SLCO5A1: variants seen among roughly 807,000 people sequenced by gnomAD.
SLCO5A1 encodes the protein solute carrier organic anion transporter family member 5A1.
SLCO5A1 carries 39 observed loss-of-function variants against 65.1 expected under a neutral mutation model. That is an observed-to-expected ratio of 0.60 (90% CI 0.46 to 0.78). The LOEUF is 0.78. Ranked by LOEUF, SLCO5A1 falls within the 30% of genes least tolerant of loss-of-function variation. The pLI is 0.00. For missense variants in SLCO5A1, 1,029 were observed against 1,069.4 expected, an observed-to-expected ratio of 0.96 and a Z score of 0.53; for synonymous variants, 438 against 415.7, an observed-to-expected ratio of 1.05 and a Z score of -0.65.
At position 69,832,558 on chromosome 8, in the gene SLCO5A1, G is replaced by C. The variant is rs771397102; in HGVS notation, c.116C>G (p.Pro39Arg). Reference protein sequence around the residue: ...EPETLRSKSLPVLSSASCRPS... With the variant: ...EPETLRSKSLRVLSSASCRPS... ...CCGGCAGGAGGCGCTGCTGAGGACC[G>C]GTAAACTCTTAGACCTGAGGGTCTC... The change falls in exon 2 of 10, where the codon CCG becomes CGG. Residue 39 changes from proline (P) to arginine (R), a missense_variant. By Grantham distance (103) the Pro-to-Arg change is moderately radical. Transcript: ENST00000260126. This position sits in a 1 kb window ranked among gnomAD's most constrained non-coding sequence, Gnocchi z 4.5. 5.6e-6 allele frequency: 9 copies of C among 1,611,454 alleles called. No homozygotes were observed. The African/African-American group carries it at 1.1e-4, about 19-fold the overall frequency.
At chr8:69,701,666 G>A (rs578130206) in intron 6 of SLCO5A1, among the ~76,000 whole-genome samples, 6 of 152,170 alleles carry the variant, frequency 3.9e-5, no homozygotes, top group Admixed American at 6.5e-5. Flanking sequence ...GAGTTGTCCC[G>A]CCTTTCTGGA....
At chr8:69,697,661 A>T (rs1814554722) in intron 6 of SLCO5A1, among the ~76,000 whole-genome samples, 1 of 152,014 alleles carries the variant, frequency 6.6e-6, no homozygotes. Context: ...CTGAGGGTAA[A>T]TCATTCCTTA....
intron 6 of SLCO5A1, among the ~76,000 whole-genome samples, chr8:69,698,934 T>G (rs1814609079): frequency 1.3e-5 from 2 of 152,178 alleles, no homozygotes; most frequent in Admixed American, 6.5e-5. Context: ...TCCCAGGATG[T>G]AAGTTATGTC....
chr8:69,762,482 G>A (rs929861811), intron 2 of SLCO5A1, among the ~76,000 whole-genome samples: 7 of 152,000 alleles, frequency 4.6e-5, no homozygotes, highest in African/African-American at 7.2e-5. Flanking sequence ...CACAGCACCC[G>A]GCCCTGTTTT....
intron 2 of SLCO5A1, chr8:69,794,136 A>G: frequency 4.3e-6 from 1 of 234,330 alleles, no homozygotes; most frequent in Non-Finnish European, 8.5e-6. Context: ...AAAGAAACAG[A>G]ACAGGTGGCA....
At chr8:69,754,971 C>G (rs1386535530) in intron 4 of SLCO5A1, among the ~76,000 whole-genome samples, 2 of 152,092 alleles carry the variant, frequency 1.3e-5, no homozygotes, top group Non-Finnish European at 2.9e-5. Flanking sequence ...CACTATTCCC[C>G]TGAAATAAAC....
chr8:69,713,300 T>C (rs1227403000), intron 5 of SLCO5A1: 2 of 152,256 alleles, frequency 1.3e-5, no homozygotes, highest in African/African-American at 4.8e-5. Context: ...CTTGCAAACA[T>C]GAGACTATCA....
At position 69,669,264 on chromosome 8, in the gene SLCO5A1, GTTTT is replaced by G. The variant is rs547869442; in HGVS notation, c.*3601_*3604del. 6.6e-6 allele frequency: 1 copy of G among 151,504 alleles called. No homozygotes were observed. Among genetic ancestry groups the G allele is most frequent in the African/African-American group, 2.4e-5 (1 of 41,184 alleles). 9.4% of individuals were successfully genotyped at this position (151,504 alleles called of 1,614,324 possible). A position where few individuals can be genotyped will look rare whatever the true frequency, so the allele number is the denominator to read the frequency against. Reference sequence around the variant, plus strand: ...ATATTTCCTACAGATGTTTCCTACAGTTTTTTTTATTTACACAAAAAAACCTCTC... The same window carrying G: ...ATATTTCCTACAGATGTTTCCTACAGTTTTATTTACACAAAAAAACCTCTC... On this transcript the variant is annotated 3_prime_UTR_variant, in exon 10 of 10. Coordinates refer to ENST00000260126, the MANE Select transcript of SLCO5A1 (RefSeq NM_030958.3).
At chr8:69,829,488 T>C (rs1372287290) in intron 2 of SLCO5A1, among the ~76,000 whole-genome samples, 2 of 152,162 alleles carry the variant, frequency 1.3e-5, no homozygotes, top group Non-Finnish European at 2.9e-5. Flanking sequence ...AAAATTATTA[T>C]TAGCCTGGGA....
intron 5 of SLCO5A1, among the ~76,000 whole-genome samples, chr8:69,706,950 C>A (rs1563674016): frequency 6.6e-6 from 1 of 152,086 alleles, no homozygotes; most frequent in Admixed American, 6.5e-5. Context: ...GAGTTCGAGA[C>A]CAGCCTGGCT....
In SLCO5A1 at chr8:69,727,772, A is replaced by G. The variant is rs191284408; in HGVS notation, c.1423+10268T>C. 2.9e-3 allele frequency among the ~76,000 whole-genome samples: 447 copies of G among 152,354 alleles called. 9 individuals are homozygous for G. The highest frequency in any genetic ancestry group is 0.028 in the Admixed American group (425 of 15,302). On this transcript the variant is annotated intron_variant, in intron 5 of 9. Transcript: ENST00000260126. ...ACAAAGATTCATTCTTTTGATCTTTATAAGAATCTGAGGGTAAATGCTAAA... is the reference window on the plus strand; with the variant it reads ...ACAAAGATTCATTCTTTTGATCTTTGTAAGAATCTGAGGGTAAATGCTAAA...
chr8:69,746,769 T>C (rs1035337187), intron 4 of SLCO5A1, among the ~76,000 whole-genome samples: 2 of 152,156 alleles, frequency 1.3e-5, no homozygotes, highest in African/African-American at 4.8e-5. Context: ...TTTATAAATT[T>C]CTATATTTTA....
chr8:69,822,951 G>C (rs1563376180), intron 2 of SLCO5A1, among the ~76,000 whole-genome samples: 1 of 152,218 alleles, frequency 6.6e-6, no homozygotes, highest in Non-Finnish European at 1.5e-5. Flanking sequence ...AGGTGGAAGA[G>C]CCAGCACCCA....
At chr8:69,809,667 G>T (rs1003707699) in intron 2 of SLCO5A1, among the ~76,000 whole-genome samples, 6 of 151,656 alleles carry the variant, frequency 4.0e-5, no homozygotes, top group South Asian at 2.1e-4. Flanking sequence ...TTATTATTAT[G>T]ATTATGATTA....
intron 4 of SLCO5A1, among the ~76,000 whole-genome samples, chr8:69,750,765 G>A (rs1817261753): frequency 6.6e-6 from 1 of 152,050 alleles, no homozygotes; most frequent in South Asian, 2.1e-4. Flanking sequence ...CCACAGCTTT[G>A]CACCTGTTCT....
chr8:69,824,895 T>C (rs1302970265), intron 2 of SLCO5A1, among the ~76,000 whole-genome samples: 2 of 152,086 alleles, frequency 1.3e-5, no homozygotes, highest in Admixed American at 6.6e-5. Flanking sequence ...ACTGGCAAAC[T>C]GAATCCAGCA....
At chr8:69,817,360 T>C (rs1450034393) in intron 2 of SLCO5A1, among the ~76,000 whole-genome samples, 1 of 152,238 alleles carries the variant, frequency 6.6e-6, no homozygotes, top group Non-Finnish European at 1.5e-5. Context: ...TATAGATATA[T>C]AGATATCACA....
chr8:69,750,470 C>T (rs567602505), intron 4 of SLCO5A1, among the ~76,000 whole-genome samples: 1 of 152,120 alleles, frequency 6.6e-6, no homozygotes, highest in Non-Finnish European at 1.5e-5. Flanking sequence ...CACACTAGAA[C>T]TCACGCTCTC....
intron 8 of SLCO5A1, among the ~76,000 whole-genome samples, chr8:69,677,551 C>T (rs1473081861): frequency 6.6e-6 from 1 of 152,178 alleles, no homozygotes; most frequent in Non-Finnish European, 1.5e-5. Flanking sequence ...TTCCCAAGAC[C>T]AGTGCCCTTG....
Sources: allele counts gnomAD v4.1 joint callset (sites outside exome capture counted in the v4.1 genomes callset), GRCh38; gene constraint gnomAD v4.1.1; non-coding constraint Gnocchi (gnomAD v3.1); transcripts MANE v1.5; gene names NCBI Gene and HGNC (gene_info 2026-07-23, HGNC 2026-07-21).